The following TMTC1 variants were observed in gnomAD, a reference collection of about 807,000 sequenced individuals.
TMTC1 encodes protein O-mannosyl-transferase TMTC1.
TMTC1 carries 73 observed loss-of-function variants against 104.8 expected under a neutral mutation model. That is an observed-to-expected ratio of 0.70 (90% CI 0.58 to 0.85). TMTC1 has a LOEUF of 0.85. Among genes scored for constraint, TMTC1 ranks in the 40% least tolerant of loss-of-function variants. TMTC1 has a pLI of 0.00. For missense variants in TMTC1, 1,035 were observed against 1,096.1 expected (o/e 0.94, Z 0.79); for synonymous variants, 434 against 428.7 (o/e 1.01, Z -0.15).
intron 10 of TMTC1, 28 bp from the exon 11 acceptor site, chr12:29,536,345 A>G (rs753701515): frequency 1.7e-5 from 23 of 1,374,794 alleles, no homozygotes; most frequent in Non-Finnish European, 2.0e-5. Flanking sequence ...GGGGTGGGGG[A>G]GAACATCTTT....
chr12:29,699,649 CTTTTTTTTTTTTTT>C lies in TMTC1; in HGVS notation c.938+52003_938+52016del, dbSNP rs71444337. Reference sequence around the variant, plus strand: ...AATACATCCAGTTCTTCATCTGGTGCTTTTTTTTTTTTTTTTTTTTTTTTTGACAGGGTCTCACT... The same window carrying C: ...AATACATCCAGTTCTTCATCTGGTGCTTTTTTTTTTTGACAGGGTCTCACT... On this transcript the variant is annotated intron_variant, in intron 5 of 17. Coordinates refer to ENST00000539277, the MANE Select transcript of TMTC1 (RefSeq NM_001193451.2). Among the ~76,000 whole-genome samples, 5 of 86,876 alleles carry C rather than the reference CTTTTTTTTTTTTTT, an allele frequency of 5.8e-5. No homozygotes were observed. The South Asian group carries it at 2.1e-3, about 36-fold the overall frequency. 57.0% of individuals were successfully genotyped at this position (86,876 alleles called of 152,430 possible).
chr12:29,663,752 G>A (rs1366310293), intron 5 of TMTC1, among the ~76,000 whole-genome samples: 2 of 149,130 alleles, frequency 1.3e-5, no homozygotes, highest in Non-Finnish European at 3.0e-5. Context: ...CCTGACCTCA[G>A]GTGATCCACC....
intron 10 of TMTC1, among the ~76,000 whole-genome samples, chr12:29,550,701 A>C (rs745481325): frequency 6.6e-6 from 1 of 152,098 alleles, no homozygotes; most frequent in Non-Finnish European, 1.5e-5. Context: ...AAGGGACAGA[A>C]GCACAGGAAC....
chr12:29,659,315 G>A (rs1223359006), intron 5 of TMTC1, among the ~76,000 whole-genome samples: 1 of 152,184 alleles, frequency 6.6e-6, no homozygotes, highest in Non-Finnish European at 1.5e-5. Context: ...GAGGCCTAGT[G>A]GGAGGTGTTT....
chr12:29,672,228 T>C (rs1205249364), intron 5 of TMTC1, among the ~76,000 whole-genome samples: 1 of 152,144 alleles, frequency 6.6e-6, no homozygotes, highest in Non-Finnish European at 1.5e-5. Flanking sequence ...GCCATCCCTG[T>C]CTTTAGGGCT....
chr12:29,577,430 T>C (rs961184394), intron 8 of TMTC1, among the ~76,000 whole-genome samples: 3 of 152,160 alleles, frequency 2.0e-5, no homozygotes, highest in Admixed American at 2.0e-4. Context: ...ATGGGGTCCC[T>C]TCCTCTGCTT....
At chr12:29,585,574 G>T (rs142026706) in intron 7 of TMTC1, among the ~76,000 whole-genome samples, 7,861 of 152,236 alleles carry the variant, frequency 0.052, 680 homozygotes, top group African/African-American at 0.18. Flanking sequence ...ATAGTTTTAG[G>T]TCTAACATGT....
chr12:29,714,855 G>A (rs1332955638), intron 5 of TMTC1, among the ~76,000 whole-genome samples: 1 of 152,190 alleles, frequency 6.6e-6, no homozygotes, highest in Non-Finnish European at 1.5e-5. Flanking sequence ...ATGCATCAGG[G>A]CCACACAAAG....
intron 5 of TMTC1, among the ~76,000 whole-genome samples, chr12:29,704,594 C>T (rs1941689378): frequency 6.6e-6 from 1 of 152,142 alleles, no homozygotes; most frequent in South Asian, 2.1e-4. Context: ...TATTAGAGGC[C>T]TAATCTAATA....
intron 9 of TMTC1, among the ~76,000 whole-genome samples, chr12:29,557,356 G>T (rs193301936): frequency 2.0e-4 from 30 of 152,288 alleles, no homozygotes; most frequent in Non-Finnish European, 4.4e-4. Flanking sequence ...GCCTGGTGAG[G>T]CCTCTGACCA....
intron 5 of TMTC1, among the ~76,000 whole-genome samples, chr12:29,713,955 G>A (rs947413094): frequency 1.3e-5 from 2 of 151,980 alleles, no homozygotes; most frequent in African/African-American, 2.4e-5. Context: ...TTGCAGCTGC[G>A]GGTTCTCTCT....
At chr12:29,643,692 T>TATATTATATA (rs1939039187) in intron 5 of TMTC1, among the ~76,000 whole-genome samples, 2 of 178 alleles carry the variant, frequency 0.011, no homozygotes, top group Admixed American at 0.25. Context: ...TTATATATAT[T>TATATTATATA]ATATATATTA....
intron 6 of TMTC1, among the ~76,000 whole-genome samples, chr12:29,625,291 C>A (rs1429111096): frequency 1.3e-5 from 2 of 152,208 alleles, no homozygotes; most frequent in African/African-American, 4.8e-5. Context: ...AGAAGTTCAT[C>A]ATCACACACA....
At chr12:29,579,374 T>C (rs1403360125) in intron 8 of TMTC1, among the ~76,000 whole-genome samples, 3 of 152,218 alleles carry the variant, frequency 2.0e-5, no homozygotes, top group Non-Finnish European at 4.4e-5. Flanking sequence ...ATATTTGCTA[T>C]CTGACCTTTA....
intron 5 of TMTC1, among the ~76,000 whole-genome samples, chr12:29,722,645 C>T (rs528839340): frequency 6.0e-4 from 92 of 152,164 alleles, no homozygotes; most frequent in Non-Finnish European, 1.2e-3. Context: ...TTAGGCCGGG[C>T]GCAGTGGCTC....
Position 29,727,859 on chromosome 12 carries a change from T to C in TMTC1, c.938+23807A>G, listed in dbSNP as rs904492335. 3.3e-5 allele frequency among the ~76,000 whole-genome samples: 5 copies of C among 152,228 alleles called. 1 individual carries two copies. Among genetic ancestry groups the C allele is most frequent in the Non-Finnish European group, 1.5e-5 (1 of 68,020 alleles). On this transcript the variant is annotated intron_variant, in intron 5 of 17. Coordinates refer to ENST00000539277, the MANE Select transcript of TMTC1 (RefSeq NM_001193451.2). ...AGGCTAGAGTGCACTGCCACAATCA[T>C]AGCTCACTGCAGCCTTGAACTCCTG...
chr12:29,611,694 TA>T (rs1303377682), intron 6 of TMTC1, among the ~76,000 whole-genome samples: 1 of 152,180 alleles, frequency 6.6e-6, no homozygotes, highest in Non-Finnish European at 1.5e-5. Context: ...GTATTGAATT[TA>T]AAAAAGTATG....
In TMTC1 at chr12:29,512,901, C is replaced by T. The variant is rs1405692725; in HGVS notation, c.2431-781G>A. On this transcript the variant is annotated intron_variant, in intron 16 of 17. Transcript: ENST00000539277. ...TTAATTACAAAGCTAAGTATTTGTG[C>T]ACATATTTTAATGTTCCTTGCTATT... Among the ~76,000 whole-genome samples, 3 of 152,290 alleles carry T rather than the reference C, an allele frequency of 2.0e-5. No individual in the cohort carries two copies. In the East Asian group the frequency reaches 5.8e-4, roughly 29 times the overall value.
intron 17 of TMTC1, among the ~76,000 whole-genome samples, chr12:29,510,078 G>A (rs755051362): frequency 6.6e-5 from 10 of 152,168 alleles, no homozygotes; most frequent in Non-Finnish European, 1.3e-4. Flanking sequence ...TGAGAAAGGC[G>A]TCATTAGGTG....
Sources: gnomAD v4.1 joint callset for allele counts (sites outside exome capture counted in the v4.1 genomes callset) on GRCh38, gnomAD v4.1.1 for gene constraint, MANE v1.5 for transcripts, NCBI Gene and HGNC (gene_info 2026-07-23, HGNC 2026-07-21) for gene names.